TMEM232: variants seen among roughly 807,000 people sequenced by gnomAD.
TMEM232 encodes the protein transmembrane protein 232.
TMEM232 carries 80 observed loss-of-function variants against 78.8 expected under a neutral mutation model. The ratio of observed to expected loss-of-function variants is 1.01; its 90% CI spans 0.85 to 1.22. TMEM232 has a LOEUF of 1.22. Ranked by LOEUF, TMEM232 falls within the 50% of genes most tolerant of loss-of-function variation. The pLI is 0.00. For synonymous variants in TMEM232, 297 were observed against 254.3 expected (o/e 1.17, Z -1.60); for missense variants, 881 against 742.2 (o/e 1.19, Z -2.17).
chr5:110,735,489 G>A lies in TMEM232; in HGVS notation c.-125-474C>T, dbSNP rs538487669. 4.1e-4 allele frequency among the ~76,000 whole-genome samples: 63 copies of A among 152,214 alleles called. No homozygotes were observed. In the South Asian group the frequency reaches 0.013, roughly 31 times the overall value. On this transcript the variant is annotated intron_variant, in intron 1 of 4. Coordinates refer to the TMEM232 transcript ENST00000512886. ...TGGGCTAAAAATTTCCTTATTATTAGTTTTGGTGCCTAATAATATCCTCCA... is the reference window on the plus strand; with the variant it reads ...TGGGCTAAAAATTTCCTTATTATTAATTTTGGTGCCTAATAATATCCTCCA...
At chr5:110,673,532 T>G (rs905994053) in intron 1 of TMEM232, among the ~76,000 whole-genome samples, 2 of 152,172 alleles carry the variant, frequency 1.3e-5, no homozygotes, top group African/African-American at 4.8e-5. Flanking sequence ...CTTTGTAATT[T>G]TTTAAACATC....
At chr5:110,433,493 G>A (rs1758080571) in intron 12 of TMEM232, among the ~76,000 whole-genome samples, 1 of 151,592 alleles carries the variant, frequency 6.6e-6, no homozygotes. Flanking sequence ...AGTTTATATT[G>A]CTAAATGCCT....
At chr5:110,633,030 C>T (rs1485146390) in intron 5 of TMEM232, among the ~76,000 whole-genome samples, 1 of 151,996 alleles carries the variant, frequency 6.6e-6, no homozygotes, top group Non-Finnish European at 1.5e-5. Context: ...AAGTGGATTT[C>T]TCAGCAGAAA....
intron 1 of TMEM232, among the ~76,000 whole-genome samples, chr5:110,736,103 T>C (rs1364762542): frequency 6.6e-6 from 1 of 152,228 alleles, no homozygotes; most frequent in Non-Finnish European, 1.5e-5. Context: ...TTCTGTTGTT[T>C]TCATAAAATG....
At chr5:110,564,567 C>A (rs1776113534) in intron 11 of TMEM232, among the ~76,000 whole-genome samples, 1 of 151,858 alleles carries the variant, frequency 6.6e-6, no homozygotes, top group Non-Finnish European at 1.5e-5. Flanking sequence ...AATTTGCCAT[C>A]CAAATTGAGG....
At chr5:110,701,594 TG>T (rs1390452328) in intron 1 of TMEM232, among the ~76,000 whole-genome samples, 18 of 152,092 alleles carry the variant, frequency 1.2e-4, no homozygotes, top group Non-Finnish European at 2.4e-4. Flanking sequence ...AATATTTTAC[TG>T]TAATTAATTT....
chr5:110,730,073 G>C (rs2150374536), upstream of TMEM232, among the ~76,000 whole-genome samples: 1 of 152,248 alleles, frequency 6.6e-6, no homozygotes, highest in East Asian at 1.9e-4. Context: ...AGTCAGGAAA[G>C]AGATGAAACT....
intron 2 of TMEM232, among the ~76,000 whole-genome samples, chr5:110,659,677 C>A (rs895298238): frequency 6.6e-6 from 1 of 152,124 alleles, no homozygotes; most frequent in Non-Finnish European, 1.5e-5. Flanking sequence ...TTATCATGCT[C>A]ATCCCACCAC....
rs1286777197 is a variant in TMEM232 at position 110,488,441 on chromosome 5, T to C, written c.1703+40147A>G. ...ATAAAAAAAGGAAATTTAGAATTCA[T>C]ACGTATGGAGAATTAAGCAATACTT... On this transcript the variant is annotated intron_variant, in intron 12 of 13. Transcript: ENST00000455884. Among the ~76,000 whole-genome samples the C allele has an allele frequency of 2.0e-5, 3 of 152,082 alleles. No individual in the cohort carries two copies. In the East Asian group the frequency reaches 5.8e-4, roughly 29 times the overall value.
chr5:110,556,369 C>CCT (rs1775093263), intron 11 of TMEM232, among the ~76,000 whole-genome samples: 1 of 147,592 alleles, frequency 6.8e-6, no homozygotes, highest in African/African-American at 2.5e-5. Context: ...CCCTTCCTTC[C>CCT]TTCCTTCCTT....
At chr5:110,515,710 C>G (rs572857703) in intron 12 of TMEM232, among the ~76,000 whole-genome samples, 1 of 152,280 alleles carries the variant, frequency 6.6e-6, no homozygotes, top group African/African-American at 2.4e-5. Context: ...TAGCACTTAC[C>G]TTTCCCATCT....
At chr5:110,685,603 C>G (rs558584074) in intron 1 of TMEM232, among the ~76,000 whole-genome samples, 1 of 152,114 alleles carries the variant, frequency 6.6e-6, no homozygotes, top group South Asian at 2.1e-4. Flanking sequence ...TTTGTCTGTG[C>G]CTTTGTAAGT....
chr5:110,458,244 A>G (rs1205381457), intron 12 of TMEM232, among the ~76,000 whole-genome samples: 1 of 132,280 alleles, frequency 7.6e-6, no homozygotes, highest in African/African-American at 2.9e-5. Context: ...CCTTTGCGCA[A>G]TTTTCTCTTT....
At chr5:110,572,834 A>G (rs1370466892) in intron 10 of TMEM232, among the ~76,000 whole-genome samples, 1 of 152,076 alleles carries the variant, frequency 6.6e-6, no homozygotes, top group African/African-American at 2.4e-5. Flanking sequence ...ATAAAGACAG[A>G]TGGTATGTGT....
chr5:110,511,610 T>C (rs1019119594), intron 12 of TMEM232, among the ~76,000 whole-genome samples: 2 of 152,088 alleles, frequency 1.3e-5, no homozygotes, highest in Admixed American at 1.3e-4. Context: ...AATAAACACA[T>C]TTACTTGACT....
intron 4 of TMEM232, among the ~76,000 whole-genome samples, chr5:110,640,399 GTTGT>G (rs775408414): frequency 1.6e-4 from 24 of 150,368 alleles, no homozygotes; most frequent in African/African-American, 5.5e-4. Flanking sequence ...TAGAAATAAC[GTTGT>G]TTAATTTTTT....
chr5:110,488,005 T>G (rs963825932), intron 12 of TMEM232, among the ~76,000 whole-genome samples: 5 of 152,100 alleles, frequency 3.3e-5, no homozygotes, highest in South Asian at 2.1e-4. Flanking sequence ...TGTTGGTAAT[T>G]TTTTAATTAC....
rs532316554 is a variant in TMEM232, at chr5:110,587,957, A to T, written c.1276+17152T>A. Among the ~76,000 whole-genome samples, 60 of 149,430 alleles carry T rather than the reference A, an allele frequency of 4.0e-4. No homozygotes were observed. In the East Asian group the frequency reaches 5.4e-3, roughly 14 times the overall value. The stretch of plus-strand genomic sequence containing the variant: ...TTCTATTGCTAACACATATATATAT[A>T]TTTTTTTAAAGAGTAAAATATTTTC... On this transcript the variant is annotated intron_variant, in intron 10 of 13. Transcript: ENST00000455884.
intron 12 of TMEM232, among the ~76,000 whole-genome samples, chr5:110,427,601 C>T (rs988287159): frequency 6.6e-6 from 1 of 151,866 alleles, no homozygotes; most frequent in African/African-American, 2.4e-5. Context: ...GAAATTCATT[C>T]TCTCATAGTT....
Sources: allele counts gnomAD v4.1 joint callset (sites outside exome capture counted in the v4.1 genomes callset), GRCh38; gene constraint gnomAD v4.1.1; transcripts MANE v1.5; gene names NCBI Gene and HGNC (gene_info 2026-07-23, HGNC 2026-07-21).